The following PDE4D variants were observed in gnomAD, a reference collection of about 807,000 sequenced individuals.
PDE4D encodes the protein 3',5'-cyclic-AMP phosphodiesterase 4D.
PDE4D carries 24 observed loss-of-function variants against 87.4 expected under a neutral mutation model. The observed-to-expected ratio is 0.27, with a 90% CI of 0.20 to 0.39. The LOEUF (loss-of-function observed/expected upper bound fraction) is 0.39, where lower values mean the gene tolerates loss of function less well. PDE4D is among the 10% of genes least tolerant of loss of function. PDE4D has a pLI of 1.00. For synonymous variants in PDE4D, 384 were observed against 383.2 expected (o/e 1.00, Z -0.02); for missense variants, 714 against 1,041.0 (o/e 0.69, Z 4.32).
intron 5 of PDE4D, among the ~76,000 whole-genome samples, chr5:59,089,097 T>C (rs1039124489): frequency 3.9e-5 from 6 of 152,342 alleles, no homozygotes; most frequent in African/African-American, 1.4e-4. Context: ...TATTAATCTA[T>C]ACTTCTATCA....
chr5:59,800,619 CT>C (rs1288289170), intron 1 of PDE4D, among the ~76,000 whole-genome samples: 2 of 151,930 alleles, frequency 1.3e-5, no homozygotes, highest in African/African-American at 4.8e-5. Context: ...CTCCCCACCC[CT>C]ACCCCCCTAC....
At chr5:59,906,758 G>T (rs755070346) in intron 3 of PDE4D, among the ~76,000 whole-genome samples, 9 of 151,918 alleles carry the variant, frequency 5.9e-5, no homozygotes, top group Non-Finnish European at 1.3e-4. Context: ...AGGAGAAAAG[G>T]GACCATTTAT....
chr5:58,979,731 T>C (rs1221305083), intron 11 of PDE4D, among the ~76,000 whole-genome samples: 1 of 152,188 alleles, frequency 6.6e-6, no homozygotes, highest in African/African-American at 2.4e-5. Context: ...CTTTCTTAAT[T>C]ACCAGATGAA....
At chr5:59,053,567 C>T (rs1403062911) in intron 5 of PDE4D, among the ~76,000 whole-genome samples, 1 of 150,850 alleles carries the variant, frequency 6.6e-6, no homozygotes, top group Non-Finnish European at 1.5e-5. Context: ...TTCATATTTT[C>T]ATTATATATC....
At chr5:60,285,289 G>A (rs1225760009) in intron 1 of PDE4D, among the ~76,000 whole-genome samples, 1 of 151,788 alleles carries the variant, frequency 6.6e-6, no homozygotes, top group Non-Finnish European at 1.5e-5. Context: ...GAAGTACAAA[G>A]GTGTACTAAA....
intron 2 of PDE4D, among the ~76,000 whole-genome samples, chr5:60,069,595 A>G (rs1772490759): frequency 1.3e-5 from 2 of 151,946 alleles, no homozygotes; most frequent in Admixed American, 1.3e-4. Context: ...GTGGTTTTGC[A>G]ACATATCTAG....
chr5:60,416,493 G>A (rs150750565), intron 1 of PDE4D, among the ~76,000 whole-genome samples: 5,393 of 151,962 alleles, frequency 0.035, 173 homozygotes, highest in East Asian at 0.14. Flanking sequence ...TGGGAGGAAC[G>A]AACAACTCCA....
chr5:60,114,958 A>C (rs1175611369), intron 2 of PDE4D, among the ~76,000 whole-genome samples: 1 of 105,852 alleles, frequency 9.4e-6, no homozygotes. Flanking sequence ...GGATGGATGG[A>C]TGGATGGATG....
intron 1 of PDE4D, among the ~76,000 whole-genome samples, chr5:59,818,141 C>T (rs920845352): frequency 3.3e-5 from 5 of 152,084 alleles, no homozygotes; most frequent in African/African-American, 1.2e-4. Context: ...CAGGGTTTGT[C>T]CTTAGAAGCA....
intron 1 of PDE4D, among the ~76,000 whole-genome samples, chr5:60,187,098 C>G (rs1240336676): frequency 6.6e-6 from 1 of 152,128 alleles, no homozygotes; most frequent in African/African-American, 2.4e-5. Context: ...AGGGACAAAG[C>G]CTTCTTCCAA....
At chr5:59,614,006 T>G (rs1445348605) in intron 1 of PDE4D, among the ~76,000 whole-genome samples, 1 of 152,192 alleles carries the variant, frequency 6.6e-6, no homozygotes, top group African/African-American at 2.4e-5. Context: ...AAAAAATTTT[T>G]CTATAACTCA....
chr5:59,898,649 A>T (rs1410166301), upstream of PDE4D, among the ~76,000 whole-genome samples: 1 of 152,216 alleles, frequency 6.6e-6, no homozygotes, highest in Admixed American at 6.5e-5. Context: ...ACTGGCGCAG[A>T]CAATAACTTA....
chr5:59,001,302 TG>T (rs1181896510), intron 6 of PDE4D, among the ~76,000 whole-genome samples: 1 of 152,184 alleles, frequency 6.6e-6, no homozygotes, highest in Non-Finnish European at 1.5e-5. Context: ...TTTAACTTGC[TG>T]GTATGGCTAC....
intron 5 of PDE4D, among the ~76,000 whole-genome samples, chr5:59,152,832 G>C (rs970339679): frequency 2.6e-5 from 4 of 152,052 alleles, no homozygotes; most frequent in Admixed American, 1.3e-4. Context: ...TCACAGTCCA[G>C]GGGCTGGTGT....
intron 1 of PDE4D, among the ~76,000 whole-genome samples, chr5:59,572,504 G>A (rs1332195018): frequency 6.7e-6 from 1 of 150,334 alleles, no homozygotes; most frequent in Non-Finnish European, 1.5e-5. Context: ...TTTTTGAGAC[G>A]GAGTCTTGCT....
At chr5:60,151,419 A>G (rs999406003) in intron 2 of PDE4D, among the ~76,000 whole-genome samples, 3 of 152,234 alleles carry the variant, frequency 2.0e-5, no homozygotes, top group African/African-American at 7.2e-5. Flanking sequence ...ATTTATTTGC[A>G]TCTTCTTTAA....
At chr5:60,131,786 C>G (rs1235676631) in intron 2 of PDE4D, among the ~76,000 whole-genome samples, 1 of 152,208 alleles carries the variant, frequency 6.6e-6, no homozygotes, top group Admixed American at 6.5e-5. Context: ...CATTGGGCAG[C>G]AAAAACTAGT....
intron 1 of PDE4D, among the ~76,000 whole-genome samples, chr5:59,444,964 T>G (rs1431934636): frequency 2.6e-5 from 4 of 152,202 alleles, no homozygotes; most frequent in Non-Finnish European, 4.4e-5. Context: ...TGTAAGTATT[T>G]AATCTGAAGG....
chr5:59,506,287 C>T (rs1253056996), intron 1 of PDE4D, among the ~76,000 whole-genome samples: 1 of 152,004 alleles, frequency 6.6e-6, no homozygotes, highest in African/African-American at 2.4e-5. Context: ...ACAGATTTCC[C>T]ATATGTAACA....
Sources: gnomAD v4.1 joint callset for allele counts (sites outside exome capture counted in the v4.1 genomes callset) on GRCh38, gnomAD v4.1.1 for gene constraint, MANE v1.5 for transcripts, NCBI Gene and HGNC (gene_info 2026-07-23, HGNC 2026-07-21) for gene names.